Variants in NOL4L observed in about 807,000 individuals in gnomAD.
NOL4L encodes nucleolar protein 4-like.
Under a neutral mutation model 64.5 loss-of-function variants are expected in NOL4L, and 7 were observed. The observed-to-expected ratio is 0.11, with a 90% confidence interval of 0.06 to 0.20. NOL4L has a LOEUF of 0.20. Ranked by LOEUF, NOL4L falls within the 10% of genes least tolerant of loss-of-function variation. NOL4L has a pLI of 1.00. For missense variants in NOL4L, 680 were observed against 967.1 expected, an observed-to-expected ratio of 0.70 and a Z score of 3.94; for synonymous variants, 413 against 401.0, an observed-to-expected ratio of 1.03 and a Z score of -0.36.
chr20:32,455,379 A>G (rs1410079393), intron 6 of NOL4L, among the ~76,000 whole-genome samples: 1 of 152,250 alleles, frequency 6.6e-6, no homozygotes. Context: ...GAATGTCCCC[A>G]CGAGACATTC....
chr20:32,580,412 C>T (rs1980394728), intron 1 of NOL4L, among the ~76,000 whole-genome samples: 2 of 152,204 alleles, frequency 1.3e-5, no homozygotes, highest in Admixed American at 1.3e-4. Context: ...GGCCATTTCC[C>T]GCCCAGACCA....
chr20:32,578,075 G>T (rs1191257722), intron 1 of NOL4L, among the ~76,000 whole-genome samples: 2 of 142,596 alleles, frequency 1.4e-5, no homozygotes, highest in Admixed American at 1.5e-4. Context: ...GGAGGTTGCA[G>T]TAAGCCAATA....
chr20:32,583,494 G>A (rs1980636982), intron 1 of NOL4L, among the ~76,000 whole-genome samples: 1 of 146,918 alleles, frequency 6.8e-6, no homozygotes, highest in African/African-American at 2.5e-5. Flanking sequence ...GGAGGCCGGC[G>A]CGGGGCGGCC....
rs1324232449 is a variant in NOL4L at position 32,486,639 on chromosome 20, T to C, written c.700-11897A>G. On this transcript the variant is annotated intron_variant, in intron 4 of 10. Transcript: ENST00000621426. Reference sequence around the variant, plus strand: ...GACACTGTTCAAGCACGTCAAAACATTAAAAAAAAAAATTATCCCCACAAA... The same window carrying C: ...GACACTGTTCAAGCACGTCAAAACACTAAAAAAAAAAATTATCCCCACAAA... The C allele has an allele frequency of 6.6e-6, 3 of 457,234 alleles. No individual in the cohort carries two copies. In the Admixed American group the frequency reaches 7.6e-5, roughly 12 times the overall value. The allele number at this position is 457,234 out of a possible 1,614,324, so 28.3% of individuals were successfully genotyped here.
Position 32,576,873 on chromosome 20 carries a change from C to G in NOL4L, c.321+7697G>C, listed in dbSNP as rs1055062844. Among the ~76,000 whole-genome samples, 19 of 152,168 alleles carry G rather than the reference C, an allele frequency of 1.2e-4. 1 individual carries two copies. The highest frequency in any genetic ancestry group is 2.1e-4 in the South Asian group (1 of 4,832). ...GCAGCCTTGAGGTCTAGAAAGCTTA[C>G]GTGGGGTGCCCTCACTAAAGGCGAG... is the stretch of plus-strand genomic sequence containing the variant. On this transcript the variant is annotated intron_variant, in intron 1 of 10. Transcript: ENST00000621426.
At chr20:32,503,697 A>G (rs902321923) in intron 4 of NOL4L, among the ~76,000 whole-genome samples, 1 of 152,232 alleles carries the variant, frequency 6.6e-6, no homozygotes, top group Non-Finnish European at 1.5e-5. Context: ...CGGCAAAGAT[A>G]TGCTGAGAGC....
At position 32,447,962 on chromosome 20, in the gene NOL4L, G is replaced by A. The variant is rs185045046; in HGVS notation, c.1823-146C>T. On this transcript the variant is annotated intron_variant, in intron 10 of 10. Coordinates refer to ENST00000621426, the MANE Select transcript of NOL4L (RefSeq NM_001256798.2). ...GTCCGTGGCTCTGGTCCATCTCCCT[G>A]ATGGCTCTATCCCTAGTGCTTAGAA... The A allele has an allele frequency of 5.0e-5, 55 of 1,094,736 alleles. No homozygotes were observed. In the East Asian group the frequency reaches 1.4e-3, roughly 27 times the overall value. The allele number at this position is 1,094,736 out of a possible 1,614,324, so 67.8% of individuals were successfully genotyped here.
At chr20:32,566,270 C>G (rs1047319095) in intron 1 of NOL4L, among the ~76,000 whole-genome samples, 4 of 152,110 alleles carry the variant, frequency 2.6e-5, no homozygotes, top group African/African-American at 9.7e-5. Context: ...ACCCAGGATT[C>G]GAATCCAGGG....
intron 1 of NOL4L, among the ~76,000 whole-genome samples, chr20:32,556,371 T>C (rs1978657473): frequency 1.3e-5 from 2 of 152,148 alleles, no homozygotes; most frequent in African/African-American, 4.8e-5. Flanking sequence ...GTGAAACTCA[T>C]TCCTGAAGTC....
Position 32,471,161 on chromosome 20 carries a change from T to G in NOL4L, c.841+3440A>C, listed in dbSNP as rs370280342. 3.3e-5 allele frequency among the ~76,000 whole-genome samples: 5 copies of G among 151,948 alleles called. No homozygotes were observed. The East Asian group carries it at 5.8e-4, about 18-fold the overall frequency. On this transcript the variant is annotated intron_variant, in intron 5 of 10. Transcript: ENST00000621426. ...CCCCGGTAGAACCTCAGAGGCAAGC[T>G]CCCGGGGAGTGAAAGCTGTGGCACC...
At chr20:32,458,560 C>A (rs1004738451) in intron 5 of NOL4L, among the ~76,000 whole-genome samples, 1 of 152,214 alleles carries the variant, frequency 6.6e-6, no homozygotes, top group Non-Finnish European at 1.5e-5. Context: ...ACAGGGATGA[C>A]ACCCATACTG....
At position 32,460,922 on chromosome 20, in the gene NOL4L, C is replaced by T. The variant is rs1266486316; in HGVS notation, c.842-4527G>A. Among the ~76,000 whole-genome samples the T allele has an allele frequency of 2.6e-5, 4 of 152,332 alleles. No homozygotes were observed. Among genetic ancestry groups the T allele is most frequent in the African/African-American group, 9.6e-5 (4 of 41,580 alleles). ...GGTGTCTCCCCTACTCTCGGCGACTCCTGCTCGCCCTTCTGTGCTAACCCG... is the reference window on the plus strand; with the variant it reads ...GGTGTCTCCCCTACTCTCGGCGACTTCTGCTCGCCCTTCTGTGCTAACCCG... On this transcript the variant is annotated intron_variant, in intron 5 of 10. Transcript: ENST00000621426. The surrounding 1 kb of genome is among the most constrained non-coding windows in gnomAD (Gnocchi z 5.7).
intron 2 of NOL4L, among the ~76,000 whole-genome samples, chr20:32,521,667 G>GA (rs1360840587): frequency 6.6e-6 from 1 of 151,996 alleles, no homozygotes; most frequent in Admixed American, 6.6e-5. Context: ...GAGGGAACAT[G>GA]AAAAAAGGGC....
At chr20:32,536,589 G>T (rs2018534492) in intron 1 of NOL4L, among the ~76,000 whole-genome samples, 1 of 148,440 alleles carries the variant, frequency 6.7e-6, no homozygotes, top group Non-Finnish European at 1.5e-5. Context: ...GGGTTCGGAG[G>T]GCCTGCTGGA....
chr20:32,472,410 G>A (rs1039272852), intron 5 of NOL4L, among the ~76,000 whole-genome samples: 9 of 152,308 alleles, frequency 5.9e-5, no homozygotes, highest in Admixed American at 4.6e-4. Context: ...GGAGACCCTC[G>A]GGCGGGGAGT....
At chr20:32,518,485 C>T (rs781028099) in intron 3 of NOL4L, among the ~76,000 whole-genome samples, 2 of 152,194 alleles carry the variant, frequency 1.3e-5, no homozygotes, top group East Asian at 1.9e-4. Context: ...GGGGAGACCT[C>T]GCAGCCATCA....
intron 1 of NOL4L, among the ~76,000 whole-genome samples, chr20:32,543,543 CAGG>C (rs1345254851): frequency 1.3e-5 from 2 of 151,906 alleles, no homozygotes; most frequent in Non-Finnish European, 2.9e-5. Context: ...CGCTTGAACC[CAGG>C]AGGAGGAGGT....
intron 4 of NOL4L, among the ~76,000 whole-genome samples, chr20:32,502,154 T>C (rs2016945866): frequency 6.6e-6 from 1 of 152,168 alleles, no homozygotes; most frequent in Non-Finnish European, 1.5e-5. Flanking sequence ...GAACTTATAG[T>C]ATAAGCAGGT....
At chr20:32,516,648 C>G (rs1465199673) in intron 3 of NOL4L, among the ~76,000 whole-genome samples, 1 of 152,176 alleles carries the variant, frequency 6.6e-6, no homozygotes, top group Non-Finnish European at 1.5e-5. Flanking sequence ...TAGTAATACC[C>G]TGACTTTACA....
Sources: gnomAD v4.1 joint callset for allele counts (sites outside exome capture counted in the v4.1 genomes callset) on GRCh38, gnomAD v4.1.1 for gene constraint, Gnocchi (gnomAD v3.1) non-coding constraint, MANE v1.5 for transcripts, NCBI Gene and HGNC (gene_info 2026-07-23, HGNC 2026-07-21) for gene names.